Variants in AKNA observed in about 807,000 individuals in gnomAD.
AKNA encodes the protein AT-hook transcription factor.
AKNA carries 67 observed loss-of-function variants against 138.8 expected under a neutral mutation model. The observed-to-expected ratio is 0.48, with a 90% confidence interval of 0.40 to 0.59. The LOEUF is 0.59. AKNA is among the 20% of genes least tolerant of loss of function. The probability of loss-of-function intolerance (pLI) is 0.00; values close to 1 mark genes in which losing one functional copy is unlikely to be tolerated. For missense variants in AKNA, 1,813 were observed against 1,880.4 expected, an observed-to-expected ratio of 0.96 and a Z score of 0.66; for synonymous variants, 737 against 754.4, an observed-to-expected ratio of 0.98 and a Z score of 0.38.
intron 4 of AKNA, among the ~76,000 whole-genome samples, chr9:114,371,779 G>A (rs1371840019): frequency 6.6e-6 from 1 of 152,108 alleles, no homozygotes; most frequent in Non-Finnish European, 1.5e-5. Context: ...TCCCCAGCGC[G>A]GCTCCCTCCC....
In AKNA at chr9:114,380,619, A is replaced by T. The variant is rs540988110; in HGVS notation, c.274+441T>A. Among the ~76,000 whole-genome samples the T allele has an allele frequency of 5.3e-5, 8 of 152,296 alleles. No homozygotes were observed. The South Asian group carries it at 1.7e-3, about 32-fold the overall frequency. On this transcript the variant is annotated intron_variant, in intron 2 of 21. Transcript: ENST00000374088. ...ATGTATACAATTTAAATCTTTAAAA[A>T]TTTTTAATTACAGACTTTGTAGAAT...
intron 2 of AKNA, among the ~76,000 whole-genome samples, chr9:114,378,881 T>C (rs1833432955): frequency 6.6e-6 from 1 of 152,202 alleles, no homozygotes; most frequent in Non-Finnish European, 1.5e-5. Context: ...GAGACATAGT[T>C]TGGGTACCAC....
At chr9:114,362,642 G>A (rs1396160064) in intron 7 of AKNA, 109 bp from the exon 8 acceptor site, 8 of 1,373,290 alleles carry the variant, frequency 5.8e-6, no homozygotes, top group Admixed American at 2.8e-5. Flanking sequence ...ATGCACCTGG[G>A]CCCCTGGGTT....
intron 21 of AKNA, among the ~76,000 whole-genome samples, chr9:114,338,672 G>GCTA (rs1231042708): frequency 6.6e-6 from 1 of 152,208 alleles, no homozygotes; most frequent in Non-Finnish European, 1.5e-5. Flanking sequence ...ATTCTGCTGG[G>GCTA]CTACTCATGG....
intron 14 of AKNA, among the ~76,000 whole-genome samples, chr9:114,352,781 C>T (rs537701561): frequency 1.3e-3 from 194 of 152,056 alleles, no homozygotes; most frequent in African/African-American, 4.2e-3. Context: ...ATTAGCCAGG[C>T]GTGGTGGCGC....
In AKNA at chr9:114,360,059, C is replaced by A. The variant is rs747246678; in HGVS notation, c.2128G>T (p.Ala710Ser). Residue 710 changes from alanine (A) to serine (S), a missense_variant, in exon 10 of 22, where the codon GCT becomes TCT. Coordinates refer to ENST00000374088, the MANE Select transcript of AKNA (RefSeq NM_001317950.2). ...PAIKTSCPEP[A>S]TTTAAASTGP... ...GTGCTGGCGGCGGCAGTGGTGGTAGCAGGCTGGGGTCAGAAAGATGGACAG... is the reference window on the plus strand; with the variant it reads ...GTGCTGGCGGCGGCAGTGGTGGTAGAAGGCTGGGGTCAGAAAGATGGACAG... 6.2e-7 allele frequency: 1 copy of A among 1,614,124 alleles called. No homozygotes were observed. The highest frequency in any genetic ancestry group is 8.5e-7 in the Non-Finnish European group (1 of 1,180,024).
chr9:114,347,690 C>G (rs541847299), intron 16 of AKNA, 34 bp downstream of exon 16: 603 of 1,486,430 alleles, frequency 4.1e-4, no homozygotes, highest in Non-Finnish European at 5.1e-4. Context: ...GTAGCTGCCA[C>G]CAGGACAGAG....
At chr9:114,391,853 C>CAA (rs61158842), upstream of AKNA, among the ~76,000 whole-genome samples, 11,086 of 62,856 alleles carry the variant, frequency 0.18, 1,289 homozygotes, top group Middle Eastern at 0.29. Flanking sequence ...GACTCTGTCT[C>CAA]AAAAAAAAAA....
intron 11 of AKNA, 105 bp from the exon 12 acceptor site, chr9:114,358,272 C>T (rs1397849993): frequency 3.3e-6 from 5 of 1,496,222 alleles, no homozygotes; most frequent in Non-Finnish European, 3.6e-6. Flanking sequence ...GCTCTGGAGT[C>T]AGACATCCCT....
chr9:114,391,310 A>G (rs1374951162), upstream of AKNA, among the ~76,000 whole-genome samples: 1 of 152,256 alleles, frequency 6.6e-6, no homozygotes, highest in Non-Finnish European at 1.5e-5. Flanking sequence ...GGAGCTTCTT[A>G]CCAACTAATT....
chr9:114,376,477 G>A lies in AKNA; in HGVS notation c.1330C>T (p.His444Tyr). 6.2e-7 allele frequency: 1 copy of A among 1,613,854 alleles called. No homozygotes were observed. The highest frequency in any genetic ancestry group is 8.5e-7 in the Non-Finnish European group (1 of 1,179,918). The change falls in exon 3 of 22, where the codon CAT becomes TAT. Residue 444 changes from histidine to tyrosine, a missense_variant. Physicochemically the swap from His to Tyr is moderately conservative, Grantham distance 83. Transcript: ENST00000374088. The part of the protein sequence containing the change: ...QTPEQATELV[H>Y]QLQEDYHRLL... ...TGAGTCCCACTAACCTGGAGCTGATGGACCAGCTCAGTGGCTTGCTCAGGC... is the reference window on the plus strand; with the variant it reads ...TGAGTCCCACTAACCTGGAGCTGATAGACCAGCTCAGTGGCTTGCTCAGGC...
chr9:114,373,547 T>C (rs975272348), intron 4 of AKNA, among the ~76,000 whole-genome samples: 1 of 151,580 alleles, frequency 6.6e-6, no homozygotes, highest in Non-Finnish European at 1.5e-5. Flanking sequence ...ACCCAGGTGG[T>C]CTTACTCCAG....
intron 15 of AKNA, among the ~76,000 whole-genome samples, chr9:114,349,937 C>T (rs1009269904): frequency 2.6e-5 from 4 of 152,226 alleles, no homozygotes; most frequent in Non-Finnish European, 1.5e-5. Context: ...GAAGCCCTCC[C>T]TGAAGCCTCT....
At chr9:114,337,791 GTAA>G (rs35676827) in intron 21 of AKNA, among the ~76,000 whole-genome samples, 25 of 151,228 alleles carry the variant, frequency 1.7e-4, no homozygotes, top group East Asian at 9.7e-4. Context: ...ATTAATAATA[GTAA>G]TAATAATAAT....
intron 4 of AKNA, among the ~76,000 whole-genome samples, chr9:114,369,604 G>A (rs995479589): frequency 6.6e-6 from 1 of 151,902 alleles, no homozygotes; most frequent in Non-Finnish European, 1.5e-5. Context: ...ATAAATAGTG[G>A]CCACCACCCT....
chr9:114,381,130 G>C lies in AKNA; in HGVS notation c.204C>G (p.Pro68=), dbSNP rs758376554. The change falls in exon 2 of 22, where the codon CCC becomes CCG. Residue 68 remains proline, a synonymous_variant. Coordinates refer to ENST00000374088, the MANE Select transcript of AKNA (RefSeq NM_001317950.2). Reference sequence around the variant, plus strand: ...GCTGCGGGTGTGGGTCCCACTCCAGGGGCGGCAGGTGCTGCTGGGCCAGGC... The same window carrying C: ...GCTGCGGGTGTGGGTCCCACTCCAGCGGCGGCAGGTGCTGCTGGGCCAGGC... ...DFRLAQQHLP[P]LEWDPHPQPD... The C allele has an allele frequency of 6.2e-7, 1 of 1,613,304 alleles. No individual in the cohort carries two copies. Among genetic ancestry groups the C allele is most frequent in the Non-Finnish European group, 8.5e-7 (1 of 1,179,606 alleles).
At chr9:114,395,017 CAGA>C (rs534113333), upstream of AKNA, among the ~76,000 whole-genome samples, 171 of 152,224 alleles carry the variant, frequency 1.1e-3, 1 homozygote, top group Admixed American at 6.3e-3. Flanking sequence ...GCACTGGGCG[CAGA>C]AGGTCTCACT....
At chr9:114,339,303 C>T (rs1456972882) in intron 21 of AKNA, among the ~76,000 whole-genome samples, 3 of 152,192 alleles carry the variant, frequency 2.0e-5, no homozygotes, top group African/African-American at 7.2e-5. Context: ...AGGCCCACTC[C>T]GCTTTCCAAA....
At chr9:114,346,526 CACAGCACTATAATA>C in intron 17 of AKNA, 129 bp downstream of exon 17, 1 of 615,758 alleles carries the variant, frequency 1.6e-6, no homozygotes, top group South Asian at 2.3e-5. Context: ...CTCTGTGCTT[CACAGCACTATAATA>C]TCCTAAAACA....
Sources: gnomAD v4.1 joint callset for allele counts (sites outside exome capture counted in the v4.1 genomes callset) on GRCh38, gnomAD v4.1.1 for gene constraint, MANE v1.5 for transcripts, NCBI Gene and HGNC (gene_info 2026-07-23, HGNC 2026-07-21) for gene names.